EED: variants seen among roughly 807,000 people sequenced by gnomAD.
The protein encoded by EED is embryonic ectoderm development.
Under a neutral mutation model 61.0 loss-of-function variants are expected in EED, and 9 were observed. The ratio of observed to expected loss-of-function variants is 0.15; its 90% CI spans 0.09 to 0.26. The LOEUF (loss-of-function observed/expected upper bound fraction) is 0.26. EED is among the 10% of genes least tolerant of loss of function. The pLI is 1.00. For synonymous variants in EED, 187 were observed against 174.4 expected, an observed-to-expected ratio of 1.07 and a Z score of -0.57; for missense variants, 315 against 542.3, an observed-to-expected ratio of 0.58 and a Z score of 4.16.
intron 7 of EED, chr11:86,264,522 T>G: frequency 6.5e-6 from 2 of 308,910 alleles, no homozygotes; most frequent in Admixed American, 4.8e-5. Context: ...CTTGCTCCTT[T>G]CCTTTTAATC....
chr11:86,260,147 A>G (rs954992365), intron 6 of EED, among the ~76,000 whole-genome samples: 2 of 152,232 alleles, frequency 1.3e-5, no homozygotes, highest in Non-Finnish European at 2.9e-5. Flanking sequence ...TGTTTATGTG[A>G]TGCATTTATA....
intron 1 of EED, among the ~76,000 whole-genome samples, chr11:86,246,659 A>G (rs1211154058): frequency 6.6e-6 from 1 of 152,198 alleles, no homozygotes; most frequent in African/African-American, 2.4e-5. Context: ...ATCTCACTGT[A>G]CATTGGGATC....
At chr11:86,250,833 A>G (rs935136428) in intron 2 of EED, among the ~76,000 whole-genome samples, 1 of 152,190 alleles carries the variant, frequency 6.6e-6, no homozygotes, top group Non-Finnish European at 1.5e-5. Context: ...TTGACTAAGT[A>G]TAAATTGAAA....
chr11:86,264,084 C>G (rs1442248318), intron 6 of EED, 88 bp from the exon 7 acceptor site: 4 of 1,020,550 alleles, frequency 3.9e-6, no homozygotes, highest in Middle Eastern at 4.8e-4. Context: ...TAACTTACAT[C>G]TAGACTTTAG....
chr11:86,258,855 C>G (rs1236447019), intron 6 of EED, among the ~76,000 whole-genome samples: 3 of 150,832 alleles, frequency 2.0e-5, no homozygotes, highest in South Asian at 4.2e-4. Context: ...TGCGTCCTGC[C>G]TCTATTTATT....
chr11:86,284,932 G>T, the EED span, among the ~76,000 whole-genome samples: 2 of 151,834 alleles, frequency 1.3e-5, no homozygotes, highest in Non-Finnish European at 1.5e-5. Context: ...CCAACATGGT[G>T]AAACCTCGTC....
intron 1 of EED, among the ~76,000 whole-genome samples, chr11:86,248,916 T>C (rs1945457917): frequency 6.6e-6 from 1 of 151,498 alleles, no homozygotes; most frequent in Non-Finnish European, 1.5e-5. Context: ...GAGGCTAAGG[T>C]GGGGGGAAGA....
At chr11:86,268,398 A>C (rs1946034826) in intron 8 of EED, 58 bp from the exon 9 acceptor site, 1 of 1,122,426 alleles carries the variant, frequency 8.9e-7, no homozygotes, top group African/African-American at 1.6e-5. Context: ...AATGAAAAAG[A>C]GTATGATTCT....
intron 6 of EED, among the ~76,000 whole-genome samples, chr11:86,259,382 T>C (rs1380527933): frequency 3.2e-5 from 4 of 123,460 alleles, no homozygotes; most frequent in Non-Finnish European, 5.4e-5. Context: ...TCTTGCCCAG[T>C]CACCCAGGTT....
rs147899624 is a variant in EED at position 86,250,562 on chromosome 11, C to T, written c.267+114C>T. On this transcript the variant is annotated intron_variant, in intron 2 of 11. Transcript: ENST00000263360. ...TCAAGTTGTAAATATTTTAAAGTTA[C>T]AATGTTTTCTGAAGGGTTTTTTTTT... 9 of 1,183,506 alleles carry T rather than the reference C, an allele frequency of 7.6e-6. No homozygotes were observed. The African/African-American group carries it at 1.3e-4, about 17-fold the overall frequency. The allele number at this position is 1,183,506 out of a possible 1,614,324, so 73.3% of individuals were successfully genotyped here.
rs1174427072 is a variant in EED, at chr11:86,246,514, G to T, written c.114+1171G>T. Among the ~76,000 whole-genome samples the T allele has an allele frequency of 4.6e-5, 7 of 152,230 alleles. No individual in the cohort carries two copies. The South Asian group carries it at 1.2e-3, about 27-fold the overall frequency. Reference sequence around the variant, plus strand: ...TGACTAAGATTTTCACGGAAAAGATGGGAAAGGATTCTTTTTGCAGAGACA... The same window carrying T: ...TGACTAAGATTTTCACGGAAAAGATTGGAAAGGATTCTTTTTGCAGAGACA... On this transcript the variant is annotated intron_variant, in intron 1 of 11. Transcript: ENST00000263360.
chr11:86,285,862 G>T, the EED span, among the ~76,000 whole-genome samples: 1 of 151,970 alleles, frequency 6.6e-6, no homozygotes, highest in Non-Finnish European at 1.5e-5. Flanking sequence ...GCCTCCCAAG[G>T]TGCTGGGATT....
intron 6 of EED, among the ~76,000 whole-genome samples, chr11:86,260,716 T>A (rs572156010): frequency 6.6e-6 from 1 of 152,338 alleles, no homozygotes; most frequent in South Asian, 2.1e-4. Flanking sequence ...AGTATCTTGT[T>A]CTGTGGGATA....
the EED span, among the ~76,000 whole-genome samples, chr11:86,286,744 G>A: frequency 0.067 from 10,246 of 151,842 alleles, 798 homozygotes; most frequent in African/African-American, 0.18. Context: ...AGGCCGAGGC[G>A]GGCAGATCAC....
At chr11:86,274,298 C>T (rs911004329) in intron 9 of EED, among the ~76,000 whole-genome samples, 3 of 152,024 alleles carry the variant, frequency 2.0e-5, no homozygotes, top group Non-Finnish European at 4.4e-5. Flanking sequence ...ATATTCCTGC[C>T]TTAAATCTAT....
chr11:86,262,234 T>G (rs1945851269), intron 6 of EED, among the ~76,000 whole-genome samples: 1 of 152,126 alleles, frequency 6.6e-6, no homozygotes, highest in South Asian at 2.1e-4. Flanking sequence ...TGTTTCTGTT[T>G]TGCTTTCCTT....
At chr11:86,249,205 G>T (rs907752679) in intron 1 of EED, among the ~76,000 whole-genome samples, 1 of 152,094 alleles carries the variant, frequency 6.6e-6, no homozygotes, top group Non-Finnish European at 1.5e-5. Context: ...AAAGACTAAT[G>T]ATATTCACAT....
intron 11 of EED, 39 bp from the exon 12 acceptor site, chr11:86,278,360 A>T (rs773953847): frequency 1.3e-6 from 2 of 1,599,750 alleles, no homozygotes; most frequent in Non-Finnish European, 1.7e-6. Context: ...TGACAACGTT[A>T]TGTGTGGTCT....
At chr11:86,274,107 T>C (rs1200487480) in intron 9 of EED, among the ~76,000 whole-genome samples, 3 of 151,942 alleles carry the variant, frequency 2.0e-5, no homozygotes, top group East Asian at 1.9e-4. Context: ...TTTTCTTTTT[T>C]TTTTTTTGTT....
Sources: allele counts gnomAD v4.1 joint callset (sites outside exome capture counted in the v4.1 genomes callset), GRCh38; gene constraint gnomAD v4.1.1; transcripts MANE v1.5; gene names NCBI Gene and HGNC (gene_info 2026-07-23, HGNC 2026-07-21).